MAX: variants seen among roughly 807,000 people sequenced by gnomAD.
The protein encoded by MAX is MYC associated transcriptional regulator X, also known as protein max.
A neutral mutation model predicts 22.3 loss-of-function variants in MAX; 3 were observed. The ratio of observed to expected loss-of-function variants is 0.13; its 90% CI spans 0.06 to 0.35. MAX has a LOEUF of 0.35. MAX is among the 10% of genes least tolerant of loss of function. The pLI is 1.00. For synonymous variants in MAX, 72 were observed against 77.7 expected (o/e 0.93, Z 0.39); for missense variants, 119 against 209.4 (o/e 0.57, Z 2.66).
At chr14:65,073,831 G>A (rs1337646520), downstream of MAX, among the ~76,000 whole-genome samples, 1 of 152,174 alleles carries the variant, frequency 6.6e-6, no homozygotes, top group Non-Finnish European at 1.5e-5. Flanking sequence ...CCTCCACCCT[G>A]TGCCAAAGTC....
rs1038289028 is a variant in MAX at position 65,054,921 on chromosome 14, T to C, written c.171+38787A>G. 2.6e-5 allele frequency among the ~76,000 whole-genome samples: 4 copies of C among 152,218 alleles called. No individual in the cohort carries two copies. The highest frequency in any genetic ancestry group is 9.6e-5 in the African/African-American group (4 of 41,454). ...GGTCTGATCTGTCAAAGAGCTGTTG[T>C]GCCTTTATCCCAGGGCTGAGGACCT... On this transcript the variant is annotated intron_variant, in intron 3 of 3. Coordinates refer to the MAX transcript ENST00000341653. The surrounding 1 kb of genome is among the most constrained non-coding windows in gnomAD (Gnocchi z 4.4).
chr14:65,006,259 G>A (rs1243990911), exon 4 of MAX: 1 of 1,613,554 alleles, frequency 6.2e-7, no homozygotes, highest in Admixed American at 1.7e-5. Flanking sequence ...AAAGACAGGT[G>A]GGAGGGTTAA....
rs1333172657 is a variant in MAX at position 65,079,658 on chromosome 14, G to C, written c.172-1622C>G. On this transcript the variant is annotated intron_variant, in intron 3 of 4. Transcript: ENST00000358664. This position sits in a 1 kb window ranked among gnomAD's most constrained non-coding sequence, Gnocchi z 4.5. The stretch of plus-strand genomic sequence containing the variant: ...ACAATTCTGTATTACAAGCCCAATG[G>C]GTCCTAAACAACCAGAACACAACAG... Among the ~76,000 whole-genome samples, 1 of 152,106 alleles carries C rather than the reference G, an allele frequency of 6.6e-6. No individual in the cohort carries two copies. The highest frequency in any genetic ancestry group is 1.5e-5 in the Non-Finnish European group (1 of 68,022).
rs978650461 is a variant in MAX, at chr14:65,053,403, G to C, written c.171+40305C>G. 56 of 1,323,982 alleles carry C rather than the reference G, an allele frequency of 4.2e-5. No individual in the cohort carries two copies. In the East Asian group the frequency reaches 8.0e-4, roughly 19 times the overall value. 82.0% of individuals were successfully genotyped at this position (1,323,982 alleles called of 1,614,324 possible). On this transcript the variant is annotated intron_variant, in intron 3 of 3. Coordinates refer to the MAX transcript ENST00000341653. ...GGAGAGGGGAGGAGAGAGCAGAGGG[G>C]CGTGCACCTCAGGCCTACTCAGAGC...
chr14:65,024,140 G>A (rs2061937907), intron 3 of MAX, among the ~76,000 whole-genome samples: 1 of 151,500 alleles, frequency 6.6e-6, no homozygotes, highest in South Asian at 2.1e-4. Context: ...GACCCATCTA[G>A]TTCTACTGAA....
intron 3 of MAX, among the ~76,000 whole-genome samples, chr14:65,049,695 T>C (rs1287543581): frequency 6.6e-6 from 1 of 152,218 alleles, no homozygotes; most frequent in Non-Finnish European, 1.5e-5. Flanking sequence ...CTTATAATAA[T>C]AGTCTTTTAT....
intron 3 of MAX, among the ~76,000 whole-genome samples, chr14:65,064,452 T>A (rs997768200): frequency 6.6e-6 from 1 of 152,168 alleles, no homozygotes; most frequent in Non-Finnish European, 1.5e-5. Context: ...TCCATCTTTC[T>A]ACATTAGCCT....
At chr14:65,102,197 A>G in intron 1 of MAX, 107 bp downstream of exon 1, 2 of 1,557,362 alleles carry the variant, frequency 1.3e-6, no homozygotes, top group Non-Finnish European at 1.7e-6. Context: ...GGGAAGGGGA[A>G]GGAGGCGGCG....
At chr14:65,066,993 T>A (rs986890531) in intron 3 of MAX, among the ~76,000 whole-genome samples, 2 of 147,072 alleles carry the variant, frequency 1.4e-5, no homozygotes, top group Non-Finnish European at 3.0e-5. Context: ...CTGAGCGACA[T>A]AGCCACACTC....
chr14:65,097,240 T>C (rs754113905), intron 2 of MAX, among the ~76,000 whole-genome samples: 2 of 152,244 alleles, frequency 1.3e-5, no homozygotes, highest in African/African-American at 2.4e-5. Context: ...ACAAACATTA[T>C]TTTGTTAGCC....
In MAX at chr14:65,031,649, G is replaced by T. The variant is rs921474148; in HGVS notation, c.172-25365C>A. Among the ~76,000 whole-genome samples, 1 of 152,072 alleles carries T rather than the reference G, an allele frequency of 6.6e-6. No individual in the cohort carries two copies. The highest frequency in any genetic ancestry group is 2.4e-5 in the African/African-American group (1 of 41,436). ...CTTTTTTAAAAAATAGCCCGGGCGC[G>T]GTGGCTTATGCCTGTAATCCCAGCA... is the stretch of plus-strand genomic sequence containing the variant. On this transcript the variant is annotated intron_variant, in intron 3 of 3. Coordinates refer to the MAX transcript ENST00000341653. This position sits in a 1 kb window ranked among gnomAD's most constrained non-coding sequence, Gnocchi z 4.6.
intron 3 of MAX, among the ~76,000 whole-genome samples, chr14:65,025,231 G>A (rs1379493625): frequency 3.9e-5 from 6 of 152,154 alleles, no homozygotes; most frequent in South Asian, 4.1e-4. Context: ...TAACTAATTC[G>A]AGGCTTTAGG....
rs1034168786 is a variant in MAX, at chr14:65,031,591, C to T, written c.172-25307G>A. Among the ~76,000 whole-genome samples, 1 of 152,074 alleles carries T rather than the reference C, an allele frequency of 6.6e-6. No homozygotes were observed. Among genetic ancestry groups the T allele is most frequent in the African/African-American group, 2.4e-5 (1 of 41,448 alleles). On this transcript the variant is annotated intron_variant, in intron 3 of 3. Coordinates refer to the MAX transcript ENST00000341653. This position sits in a 1 kb window ranked among gnomAD's most constrained non-coding sequence, Gnocchi z 4.6. ...TCAGCCTCCCAAAGTGCTGGGATTA[C>T]AGGCATGAGCAACTGTGCCCAGCCT...
chr14:65,101,686 G>T, intron 1 of MAX, 114 bp from the exon 2 acceptor site: 1 of 779,038 alleles, frequency 1.3e-6, no homozygotes, highest in Non-Finnish European at 2.2e-6. Flanking sequence ...TGGGGAGTCA[G>T]CCCGACACCC....
Position 65,011,763 on chromosome 14 carries a change from G to A in MAX, c.172-5479C>T, listed in dbSNP as rs2061687047. Among the ~76,000 whole-genome samples the A allele has an allele frequency of 6.6e-6, 1 of 152,222 alleles. No homozygotes were observed. ...GGACAGCGACTGGCTGCAGAACACG[G>A]TCCTCTGGCCAGGGCTGTGGGTCAC... is the stretch of plus-strand genomic sequence containing the variant. On this transcript the variant is annotated intron_variant, in intron 3 of 3. Transcript: ENST00000341653. The surrounding 1 kb of genome is among the most constrained non-coding windows in gnomAD (Gnocchi z 4.0).
rs758909884 is a variant in MAX, at chr14:65,032,583, A to G, written c.172-26299T>C. 20 of 1,611,248 alleles carry G rather than the reference A, an allele frequency of 1.2e-5. 1 individual carries two copies. In the East Asian group the frequency reaches 2.7e-4, roughly 22 times the overall value. ...CTCATTAGCTCTTCCGTAGAGCTTAATGTGTTTCCCGTTTCTGTCTTTCCA... is the reference window on the plus strand; with the variant it reads ...CTCATTAGCTCTTCCGTAGAGCTTAGTGTGTTTCCCGTTTCTGTCTTTCCA... On this transcript the variant is annotated intron_variant, in intron 3 of 3. Coordinates refer to the MAX transcript ENST00000341653. The surrounding 1 kb of genome is among the most constrained non-coding windows in gnomAD (Gnocchi z 5.0).
chr14:65,035,419 G>A (rs1274298482), intron 3 of MAX, among the ~76,000 whole-genome samples: 2 of 152,118 alleles, frequency 1.3e-5, no homozygotes, highest in Non-Finnish European at 2.9e-5. Context: ...TTTGCAGGGG[G>A]GTTGACTGGT....
At chr14:65,102,283 G>A in intron 1 of MAX, 21 bp downstream of exon 1, 1 of 1,613,624 alleles carries the variant, frequency 6.2e-7, no homozygotes, top group African/African-American at 1.3e-5. Context: ...CGCACGGGAA[G>A]GAAGAAGCCC....
intron 3 of MAX, among the ~76,000 whole-genome samples, chr14:65,037,260 C>T (rs1351462788): frequency 2.0e-5 from 3 of 150,854 alleles, no homozygotes; most frequent in African/African-American, 4.9e-5. Context: ...CCCACGACCA[C>T]GCCCAGCTAA....
Sources: allele counts gnomAD v4.1 joint callset (sites outside exome capture counted in the v4.1 genomes callset), GRCh38; gene constraint gnomAD v4.1.1; non-coding constraint Gnocchi (gnomAD v3.1); transcripts MANE v1.5; gene names NCBI Gene and HGNC (gene_info 2026-07-23, HGNC 2026-07-21).